MSI2: variants seen among roughly 807,000 people sequenced by gnomAD.
The protein encoded by MSI2 is musashi RNA binding protein 2, also known as RNA-binding protein Musashi homolog 2.
In MSI2, 17 loss-of-function variants were observed where a neutral mutation model predicts 45.6. That is an observed-to-expected ratio of 0.37 (90% CI 0.26 to 0.56). The LOEUF is 0.56. Ranked by LOEUF, MSI2 falls within the 20% of genes least tolerant of loss-of-function variation. MSI2 has a pLI of 0.77. For synonymous variants in MSI2, 156 were observed against 158.2 expected, an observed-to-expected ratio of 0.99 and a Z score of 0.11; for missense variants, 293 against 444.2, an observed-to-expected ratio of 0.66 and a Z score of 3.06.
intron 6 of MSI2, among the ~76,000 whole-genome samples, chr17:57,442,500 A>G (rs2084818691): frequency 6.6e-6 from 1 of 152,128 alleles, no homozygotes; most frequent in Non-Finnish European, 1.5e-5. Flanking sequence ...GTGGGATTCT[A>G]TAGGGTTTTG....
intron 5 of MSI2, among the ~76,000 whole-genome samples, chr17:57,307,940 T>C (rs183492893): frequency 1.3e-5 from 2 of 152,386 alleles, no homozygotes; most frequent in East Asian, 1.9e-4. Context: ...TGGAACAGTG[T>C]CTTGTTCTCT....
chr17:57,567,984 A>C (rs1175167196), intron 7 of MSI2, among the ~76,000 whole-genome samples: 1 of 152,206 alleles, frequency 6.6e-6, no homozygotes, highest in African/African-American at 2.4e-5. Flanking sequence ...ATATTGAGGC[A>C]CAGCGGGATT....
chr17:57,634,813 C>G (rs1909719303), intron 10 of MSI2, among the ~76,000 whole-genome samples: 1 of 152,236 alleles, frequency 6.6e-6, no homozygotes, highest in Non-Finnish European at 1.5e-5. Context: ...ATTCTACTCT[C>G]TTCAGCATAA....
chr17:57,454,282 T>A (rs976689280), intron 6 of MSI2, among the ~76,000 whole-genome samples: 1 of 152,194 alleles, frequency 6.6e-6, no homozygotes, highest in Non-Finnish European at 1.5e-5. Context: ...GTCACCACAA[T>A]GGTGCTGGTG....
chr17:57,677,123 T>A, intron 13 of MSI2, 64 bp downstream of exon 13: 40 of 1,093,242 alleles, frequency 3.7e-5, no homozygotes, highest in Non-Finnish European at 5.5e-5. Context: ...TGTCCACAGG[T>A]CATACATGCA....
intron 6 of MSI2, among the ~76,000 whole-genome samples, chr17:57,526,356 G>GGTGGGTGTGT (rs1555618737): frequency 4.1e-5 from 5 of 122,562 alleles, no homozygotes; most frequent in Admixed American, 8.5e-5. Flanking sequence ...GATATACCTG[G>GGTGGGTGTGT]GTGTGTGTGT....
chr17:57,561,610 G>A (rs937259107), intron 7 of MSI2, among the ~76,000 whole-genome samples: 6 of 152,188 alleles, frequency 3.9e-5, no homozygotes, highest in African/African-American at 1.4e-4. Flanking sequence ...TGGGGTAGGA[G>A]GCTGTGCTAA....
chr17:57,315,345 A>G (rs549554375), intron 5 of MSI2, among the ~76,000 whole-genome samples: 1 of 149,322 alleles, frequency 6.7e-6, no homozygotes, highest in African/African-American at 2.5e-5. Flanking sequence ...CTCTGATTTG[A>G]GTGTGTCCTG....
intron 6 of MSI2, among the ~76,000 whole-genome samples, chr17:57,456,194 C>G (rs74349180): frequency 0.023 from 3,571 of 152,260 alleles, 148 homozygotes; most frequent in African/African-American, 0.081. Context: ...AAGAGCAGTT[C>G]CTGCCTTTGG....
intron 7 of MSI2, among the ~76,000 whole-genome samples, chr17:57,573,157 T>C (rs1014556646): frequency 6.6e-6 from 1 of 152,230 alleles, no homozygotes; most frequent in East Asian, 1.9e-4. Flanking sequence ...CTGCCCTTAT[T>C]TGTCAGCATT....
intron 4 of MSI2, 155 bp from the exon 5 acceptor site, chr17:57,261,996 G>T (rs1005748252): frequency 2.8e-6 from 2 of 705,600 alleles, no homozygotes; most frequent in African/African-American, 3.6e-5. Context: ...GGTTAAAGTT[G>T]AGATCAAAGT....
intron 10 of MSI2, among the ~76,000 whole-genome samples, chr17:57,648,474 C>G (rs1029543526): frequency 6.6e-6 from 1 of 152,166 alleles, no homozygotes; most frequent in Admixed American, 6.5e-5. Context: ...AGCCAGGCAT[C>G]GAACCCAGAC....
rs1181868906 is a variant in MSI2, at chr17:57,680,499, G to A, written c.*982G>A. 4 of 228,654 alleles carry A rather than the reference G, an allele frequency of 1.7e-5. No individual in the cohort carries two copies. The highest frequency in any genetic ancestry group is 1.1e-4 in the Admixed American group (2 of 17,608). The allele number at this position is 228,654 out of a possible 1,614,324, so 14.2% of individuals were successfully genotyped here. A position where few individuals can be genotyped will look rare whatever the true frequency, so the allele number is the denominator to read the frequency against. The stretch of plus-strand genomic sequence containing the variant: ...CAAGTCAGTTACTGAGATGAAGATC[G>A]CCCAGCTGCCAGGACCACCCCAGGA... On this transcript the variant is annotated 3_prime_UTR_variant, in exon 14 of 14. Transcript: ENST00000284073.
intron 7 of MSI2, among the ~76,000 whole-genome samples, chr17:57,562,404 A>G (rs2087600027): frequency 6.6e-6 from 1 of 152,214 alleles, no homozygotes; most frequent in Non-Finnish European, 1.5e-5. Context: ...GCTGGTCCCA[A>G]GCAACTCCTA....
chr17:57,590,017 A>T (rs917663490), intron 7 of MSI2, among the ~76,000 whole-genome samples: 1 of 152,260 alleles, frequency 6.6e-6, no homozygotes, highest in Non-Finnish European at 1.5e-5. Context: ...TTCCCCAAAT[A>T]CTAGGTTATT....
At chr17:57,472,918 G>T (rs1472037796) in intron 6 of MSI2, among the ~76,000 whole-genome samples, 1 of 150,608 alleles carries the variant, frequency 6.6e-6, no homozygotes, top group African/African-American at 2.4e-5. Flanking sequence ...TTTGGATGGA[G>T]CCTTGCTCTT....
chr17:57,339,415 A>C (rs1914940143), intron 5 of MSI2, among the ~76,000 whole-genome samples: 2 of 151,984 alleles, frequency 1.3e-5, no homozygotes, highest in African/African-American at 4.8e-5. Context: ...ACCATCCTTC[A>C]GCTCCTGCCT....
chr17:57,386,145 T>G (rs924671996), intron 5 of MSI2, among the ~76,000 whole-genome samples: 1 of 152,198 alleles, frequency 6.6e-6, no homozygotes, highest in Non-Finnish European at 1.5e-5. Flanking sequence ...CCCTATCGAA[T>G]CACCAGCTGT....
At chr17:57,336,792 G>A (rs765088946) in intron 5 of MSI2, among the ~76,000 whole-genome samples, 10 of 152,160 alleles carry the variant, frequency 6.6e-5, no homozygotes, top group East Asian at 1.9e-4. Context: ...CTACTGCCGC[G>A]TAACAAATTA....
Sources: allele counts gnomAD v4.1 joint callset (sites outside exome capture counted in the v4.1 genomes callset), GRCh38; gene constraint gnomAD v4.1.1; transcripts MANE v1.5; gene names NCBI Gene and HGNC (gene_info 2026-07-23, HGNC 2026-07-21).